RIMKLB: variants seen among roughly 807,000 people sequenced by gnomAD.
RIMKLB encodes beta-citrylglutamate synthase B.
RIMKLB carries 7 observed loss-of-function variants against 32.0 expected under a neutral mutation model. That is an observed-to-expected ratio of 0.22 (90% CI 0.12 to 0.41). The LOEUF is 0.41. Among genes scored for constraint, RIMKLB ranks in the 10% least tolerant of loss-of-function variants. The pLI is 1.00. For missense variants in RIMKLB, 289 were observed against 498.7 expected, an observed-to-expected ratio of 0.58 and a Z score of 4.00; for synonymous variants, 172 against 185.1, an observed-to-expected ratio of 0.93 and a Z score of 0.57.
downstream of RIMKLB, among the ~76,000 whole-genome samples, chr12:8,778,475 A>G (rs1335825089): frequency 6.6e-6 from 1 of 152,226 alleles, no homozygotes; most frequent in Non-Finnish European, 1.5e-5. Context: ...TCAGAAAATC[A>G]TGGTTTAAAC....
intron 5 of RIMKLB, among the ~76,000 whole-genome samples, chr12:8,773,017 C>T (rs1950529666): frequency 6.6e-6 from 1 of 151,692 alleles, no homozygotes; most frequent in South Asian, 2.1e-4. Context: ...AATACTTTTG[C>T]CATCTATCAA....
intron 2 of RIMKLB, among the ~76,000 whole-genome samples, chr12:8,740,658 T>C (rs1947421067): frequency 6.6e-6 from 1 of 152,258 alleles, no homozygotes; most frequent in Admixed American, 6.5e-5. Context: ...AGATGCTTTA[T>C]TCTTTATTAA....
intron 1 of RIMKLB, among the ~76,000 whole-genome samples, chr12:8,707,597 C>T (rs190855726): frequency 3.3e-4 from 50 of 152,134 alleles, no homozygotes; most frequent in African/African-American, 1.2e-3. Flanking sequence ...ACTGTTAGCC[C>T]GTCTCCCGTC....
Position 8,776,258 on chromosome 12 carries a change from TTAAAACG to T in RIMKLB, c.*2477_*2483del. On this transcript the variant is annotated 3_prime_UTR_variant, in exon 6 of 6. Coordinates refer to ENST00000535829, the MANE Select transcript of RIMKLB (RefSeq NM_001297776.2). Reference sequence around the variant, plus strand: ...TTCACTATTATGCATTCACATGATATTAAAACGTACACTCACATGTTAGAATGAAAAG... The same window carrying T: ...TTCACTATTATGCATTCACATGATATTACACTCACATGTTAGAATGAAAAG... The T allele has an allele frequency of 2.0e-6, 2 of 978,162 alleles. No homozygotes were observed. Among genetic ancestry groups the T allele is most frequent in the Non-Finnish European group, 2.4e-6 (2 of 823,340 alleles). The allele number at this position is 978,162 out of a possible 1,614,324, so 60.6% of individuals were successfully genotyped here.
At chr12:8,703,546 G>T (rs1032182346) in intron 1 of RIMKLB, among the ~76,000 whole-genome samples, 1 of 152,002 alleles carries the variant, frequency 6.6e-6, no homozygotes, top group Non-Finnish European at 1.5e-5. Flanking sequence ...TGTTGCCCAG[G>T]CTAGTCTTGA....
chr12:8,718,605 T>G (rs762689599), intron 2 of RIMKLB, among the ~76,000 whole-genome samples: 1 of 151,494 alleles, frequency 6.6e-6, no homozygotes, highest in Non-Finnish European at 1.5e-5. Flanking sequence ...ATAGCACCAT[T>G]ACACTCTAGT....
intron 1 of RIMKLB, among the ~76,000 whole-genome samples, chr12:8,706,094 G>A (rs1943854785): frequency 1.3e-5 from 2 of 152,102 alleles, no homozygotes; most frequent in East Asian, 3.8e-4. Context: ...TCACAATGGG[G>A]AATATAGGTG....
chr12:8,727,640 G>A (rs948175858), intron 2 of RIMKLB, among the ~76,000 whole-genome samples: 3 of 152,158 alleles, frequency 2.0e-5, no homozygotes, highest in African/African-American at 7.2e-5. Context: ...GACCTTGTTG[G>A]CTCATGCCAG....
At chr12:8,745,545 C>T (rs755975903) in intron 2 of RIMKLB, among the ~76,000 whole-genome samples, 2 of 151,584 alleles carry the variant, frequency 1.3e-5, no homozygotes, top group Non-Finnish European at 2.9e-5. Flanking sequence ...TATGCATGAG[C>T]CACCATGCCT....
chr12:8,735,679 A>G (rs1488084456), intron 2 of RIMKLB, among the ~76,000 whole-genome samples: 2 of 151,374 alleles, frequency 1.3e-5, no homozygotes, highest in African/African-American at 4.9e-5. Context: ...GTTTAATGAC[A>G]TATTTATGGG....
intron 1 of RIMKLB, among the ~76,000 whole-genome samples, chr12:8,707,277 C>CTG (rs1565556911): frequency 6.6e-6 from 1 of 152,174 alleles, no homozygotes; most frequent in East Asian, 1.9e-4. Flanking sequence ...AGCCAGAAGG[C>CTG]TGACTGGCTT....
At chr12:8,717,378 AAG>A (rs1323374183) in intron 2 of RIMKLB, among the ~76,000 whole-genome samples, 1 of 152,200 alleles carries the variant, frequency 6.6e-6, no homozygotes, top group African/African-American at 2.4e-5. Flanking sequence ...AGTCAGGTTA[AAG>A]AGAGGGTATA....
At chr12:8,749,529 T>A (rs977366292) in intron 2 of RIMKLB, among the ~76,000 whole-genome samples, 12 of 152,202 alleles carry the variant, frequency 7.9e-5, no homozygotes, top group African/African-American at 2.9e-4. Flanking sequence ...TTTTTATGTG[T>A]ATGCACAAAT....
chr12:8,676,788 C>G (rs1942345642), upstream of RIMKLB, among the ~76,000 whole-genome samples: 1 of 152,054 alleles, frequency 6.6e-6, no homozygotes, highest in Non-Finnish European at 1.5e-5. Context: ...TTTGAACATC[C>G]CATAGGCACC....
intron 5 of RIMKLB, among the ~76,000 whole-genome samples, chr12:8,771,226 T>C (rs764497183): frequency 2.6e-4 from 39 of 152,288 alleles, no homozygotes; most frequent in African/African-American, 7.9e-4. Flanking sequence ...GCAAGGCCTG[T>C]ATGTTCAGAT....
At chr12:8,680,336 T>A (rs1343858712), upstream of RIMKLB, among the ~76,000 whole-genome samples, 1 of 152,076 alleles carries the variant, frequency 6.6e-6, no homozygotes, top group African/African-American at 2.4e-5. Flanking sequence ...TTTTTTTGTA[T>A]TTTTAGTAGA....
chr12:8,758,228 T>C (rs760926177), intron 5 of RIMKLB, among the ~76,000 whole-genome samples: 2 of 132,574 alleles, frequency 1.5e-5, no homozygotes, highest in Non-Finnish European at 3.0e-5. Context: ...TTAATCGAGA[T>C]TTTTTTTTTC....
intron 2 of RIMKLB, chr12:8,743,056 T>C (rs1036770326): frequency 1.3e-5 from 2 of 152,650 alleles, no homozygotes; most frequent in African/African-American, 4.9e-5. Context: ...TCTGAAGAGA[T>C]TGAAAAAGAA....
At chr12:8,731,808 G>A (rs908945671) in intron 2 of RIMKLB, among the ~76,000 whole-genome samples, 1 of 151,920 alleles carries the variant, frequency 6.6e-6, no homozygotes, top group Non-Finnish European at 1.5e-5. Flanking sequence ...AATATCTCAA[G>A]CGAGGATATA....
Sources: gnomAD v4.1 joint callset for allele counts (sites outside exome capture counted in the v4.1 genomes callset) on GRCh38, gnomAD v4.1.1 for gene constraint, MANE v1.5 for transcripts, NCBI Gene and HGNC (gene_info 2026-07-23, HGNC 2026-07-21) for gene names.